PELI2: variants seen among roughly 807,000 people sequenced by gnomAD.
PELI2 encodes the protein E3 ubiquitin-protein ligase pellino homolog 2.
A neutral mutation model predicts 42.3 loss-of-function variants in PELI2; 23 were observed. The ratio of observed to expected loss-of-function variants is 0.54; its 90% CI spans 0.39 to 0.77. The LOEUF is 0.77. PELI2 is among the 30% of genes least tolerant of loss of function. PELI2 has a pLI of 0.00. For missense variants in PELI2, 463 were observed against 553.2 expected, an observed-to-expected ratio of 0.84 and a Z score of 1.64; for synonymous variants, 245 against 212.2, an observed-to-expected ratio of 1.15 and a Z score of -1.34.
chr14:56,203,238 G>T (rs1402856017), intron 2 of PELI2, among the ~76,000 whole-genome samples: 2 of 152,134 alleles, frequency 1.3e-5, no homozygotes, highest in Non-Finnish European at 2.9e-5. Flanking sequence ...TACTCGGGAG[G>T]CTGAGGCATG....
At chr14:56,216,575 C>T (rs1036976836) in intron 2 of PELI2, among the ~76,000 whole-genome samples, 1 of 152,254 alleles carries the variant, frequency 6.6e-6, no homozygotes, top group African/African-American at 2.4e-5. Context: ...TTCTAACTCT[C>T]TTATTTGCAG....
At chr14:56,272,355 G>A (rs1889135922) in intron 2 of PELI2, among the ~76,000 whole-genome samples, 1 of 152,220 alleles carries the variant, frequency 6.6e-6, no homozygotes, top group African/African-American at 2.4e-5. Flanking sequence ...GTATGTGCGT[G>A]CATGCATACA....
At chr14:56,239,994 T>C (rs1887918726) in intron 2 of PELI2, among the ~76,000 whole-genome samples, 1 of 152,158 alleles carries the variant, frequency 6.6e-6, no homozygotes, top group Admixed American at 6.5e-5. Context: ...AAACTCAGCC[T>C]CCCCTTCTGG....
At chr14:56,280,935 G>T (rs1283130038) in intron 3 of PELI2, among the ~76,000 whole-genome samples, 1 of 151,928 alleles carries the variant, frequency 6.6e-6, no homozygotes, top group South Asian at 2.1e-4. Context: ...AATATAAATG[G>T]CCAATAAATA....
At chr14:56,121,360 C>T (rs1456974085) in intron 1 of PELI2, among the ~76,000 whole-genome samples, 3 of 151,920 alleles carry the variant, frequency 2.0e-5, no homozygotes, top group African/African-American at 7.3e-5. Context: ...ATATCCATAT[C>T]TAAATACTTC....
intron 2 of PELI2, among the ~76,000 whole-genome samples, chr14:56,241,807 A>C (rs1306141892): frequency 6.6e-6 from 1 of 152,228 alleles, no homozygotes; most frequent in Non-Finnish European, 1.5e-5. Flanking sequence ...TGAGTAAATG[A>C]GTTCCAGCCT....
chr14:56,279,744 G>T lies in PELI2; in HGVS notation c.276G>T (p.Glu92Asp). 1 of 1,596,534 alleles carries T rather than the reference G, an allele frequency of 6.3e-7. No homozygotes were observed. The highest frequency in any genetic ancestry group is 8.6e-7 in the Non-Finnish European group (1 of 1,164,606). Residue 92 changes from glutamate to aspartate, a missense_variant, in exon 3 of 6, where the codon GAG becomes GAT. Physicochemically the swap from Glu to Asp is conservative, Grantham distance 45 (BLOSUM62 2). Transcript: ENST00000267460. ...TLSRNQTVVV[E>D]YTHDKDTDMF... ...CAAGGAATCAGACTGTGGTGGTGGA[G>T]TACACACATGATAAGGATACGGATA...
intron 2 of PELI2, among the ~76,000 whole-genome samples, chr14:56,269,630 C>T (rs1405366186): frequency 1.3e-5 from 2 of 152,174 alleles, no homozygotes; most frequent in Admixed American, 6.5e-5. Flanking sequence ...AAGGCCAGCA[C>T]TTGTACAGGT....
chr14:56,204,754 G>A (rs1399602365), intron 2 of PELI2, among the ~76,000 whole-genome samples: 1 of 152,100 alleles, frequency 6.6e-6, no homozygotes, highest in Non-Finnish European at 1.5e-5. Flanking sequence ...TGGAGGGTGG[G>A]AAGAGAATCT....
intron 1 of PELI2, among the ~76,000 whole-genome samples, chr14:56,142,274 G>A (rs1438793944): frequency 6.6e-6 from 1 of 152,168 alleles, no homozygotes; most frequent in East Asian, 1.9e-4. Context: ...CTAAGTGGAG[G>A]CTTGCTCCTA....
intron 1 of PELI2, among the ~76,000 whole-genome samples, chr14:56,170,804 TACTGTAAAGACCA>T (rs1297588327): frequency 6.6e-6 from 1 of 152,224 alleles, no homozygotes; most frequent in Non-Finnish European, 1.5e-5. Flanking sequence ...CAAATACCCT[TACTGTAAAGACCA>T]ACTGTTTGCT....
At chr14:56,169,026 C>T (rs553700917) in intron 1 of PELI2, among the ~76,000 whole-genome samples, 1 of 152,228 alleles carries the variant, frequency 6.6e-6, no homozygotes, top group South Asian at 2.1e-4. Context: ...CCCTATCCTG[C>T]TGCGGCTCAG....
intron 2 of PELI2, among the ~76,000 whole-genome samples, chr14:56,223,806 T>C (rs911370466): frequency 6.6e-6 from 1 of 152,226 alleles, no homozygotes; most frequent in South Asian, 2.1e-4. Flanking sequence ...TTTTCTAATT[T>C]AGGCATCATT....
At chr14:56,250,885 TGAA>T (rs1888321447) in intron 2 of PELI2, among the ~76,000 whole-genome samples, 1 of 152,198 alleles carries the variant, frequency 6.6e-6, no homozygotes, top group Admixed American at 6.5e-5. Flanking sequence ...AGTGATTTAC[TGAA>T]GAAGTACTGT....
At chr14:56,143,713 C>G (rs1259220195) in intron 1 of PELI2, among the ~76,000 whole-genome samples, 1 of 152,216 alleles carries the variant, frequency 6.6e-6, no homozygotes, top group African/African-American at 2.4e-5. Context: ...TTTGCTCAGA[C>G]TGTTTCAGCT....
At chr14:56,121,480 T>C (rs191876253) in intron 1 of PELI2, among the ~76,000 whole-genome samples, 1 of 152,364 alleles carries the variant, frequency 6.6e-6, no homozygotes, top group African/African-American at 2.4e-5. Flanking sequence ...ATTTCATGAT[T>C]CCAGCCAGTT....
Position 56,301,056 on chromosome 14 carries a change from A to G in PELI2, c.*3890A>G, listed in dbSNP as rs554561145. On this transcript the variant is annotated 3_prime_UTR_variant, in exon 6 of 6. Transcript: ENST00000267460. ...ACAAAAATAAACTCAATGAAAGGAA[A>G]GATGTTTCTTTTTAGCTGAGATGAC... 4.6e-5 allele frequency: 7 copies of G among 152,626 alleles called. No homozygotes were observed. The highest frequency in any genetic ancestry group is 1.9e-4 in the East Asian group (1 of 5,190). 9.5% of individuals were successfully genotyped at this position (152,626 alleles called of 1,614,324 possible).
chr14:56,161,738 T>A (rs930534997), intron 1 of PELI2, among the ~76,000 whole-genome samples: 10 of 152,208 alleles, frequency 6.6e-5, no homozygotes, highest in Admixed American at 1.3e-4. Flanking sequence ...ATATATATTT[T>A]TTTTCAGTTA....
At chr14:56,282,952 G>T (rs1471377726) in intron 3 of PELI2, among the ~76,000 whole-genome samples, 1 of 152,010 alleles carries the variant, frequency 6.6e-6, no homozygotes, top group Non-Finnish European at 1.5e-5. Flanking sequence ...AGTGAATAAA[G>T]CCTATTTCAC....
Sources: gnomAD v4.1 joint callset for allele counts (sites outside exome capture counted in the v4.1 genomes callset) on GRCh38, gnomAD v4.1.1 for gene constraint, MANE v1.5 for transcripts, NCBI Gene and HGNC (gene_info 2026-07-23, HGNC 2026-07-21) for gene names.